The following ST3GAL3 variants were observed in gnomAD, a reference collection of about 807,000 sequenced individuals.
ST3GAL3 encodes the protein CMP-N-acetylneuraminate-beta-1,4-galactoside alpha-2,3-sialyltransferase.
In ST3GAL3, 21 loss-of-function variants were observed where a neutral mutation model predicts 50.1. The observed-to-expected ratio is 0.42, with a 90% CI of 0.30 to 0.60. The LOEUF (loss-of-function observed/expected upper bound fraction) is 0.60. Ranked by LOEUF, ST3GAL3 falls within the 20% of genes least tolerant of loss-of-function variation. ST3GAL3 has a pLI of 0.19. For missense variants in ST3GAL3, 353 were observed against 489.4 expected (o/e 0.72, Z 2.63); for synonymous variants, 183 against 190.0 (o/e 0.96, Z 0.30).
chr1:43,890,285 G>T (rs1288897743), intron 5 of ST3GAL3, among the ~76,000 whole-genome samples: 1 of 152,150 alleles, frequency 6.6e-6, no homozygotes, highest in Non-Finnish European at 1.5e-5. Flanking sequence ...CAAAGAAAGT[G>T]GATGGGGTAT....
intron 5 of ST3GAL3, among the ~76,000 whole-genome samples, chr1:43,878,124 G>A (rs538083832): frequency 8.4e-4 from 128 of 152,184 alleles, no homozygotes; most frequent in African/African-American, 2.9e-3. Flanking sequence ...TGCCTCTGGC[G>A]ACTGCTAGCA....
intron 4 of ST3GAL3, among the ~76,000 whole-genome samples, chr1:43,820,761 A>G (rs1325135393): frequency 6.6e-6 from 1 of 152,206 alleles, no homozygotes; most frequent in Non-Finnish European, 1.5e-5. Context: ...TTTTACTACA[A>G]GATCTGTTGT....
At chr1:43,755,185 C>A (rs1687595626) in intron 2 of ST3GAL3, among the ~76,000 whole-genome samples, 1 of 152,058 alleles carries the variant, frequency 6.6e-6, no homozygotes, top group Admixed American at 6.6e-5. Context: ...AGAACAACCC[C>A]AGTAGAAAAC....
intron 5 of ST3GAL3, chr1:43,842,538 G>GGCTCACACCTGTAATCCCA (rs1558538818): frequency 6.6e-6 from 1 of 152,246 alleles, no homozygotes; most frequent in Non-Finnish European, 1.5e-5. Flanking sequence ...CGGGCATGGT[G>GGCTCACACCTGTAATCCCA]GCTCACACCT....
chr1:43,888,711 C>G (rs1486928620), intron 5 of ST3GAL3, among the ~76,000 whole-genome samples: 1 of 152,138 alleles, frequency 6.6e-6, no homozygotes, highest in African/African-American at 2.4e-5. Context: ...ATTAAGATGA[C>G]AGTGAAATAC....
intron 11 of ST3GAL3, among the ~76,000 whole-genome samples, chr1:43,923,474 C>T (rs1335886099): frequency 6.6e-6 from 1 of 152,120 alleles, no homozygotes; most frequent in Non-Finnish European, 1.5e-5. Context: ...ATTCATATCC[C>T]ACAGTCCTGG....
At chr1:43,748,929 A>G (rs1421938205) in intron 2 of ST3GAL3, among the ~76,000 whole-genome samples, 1 of 152,228 alleles carries the variant, frequency 6.6e-6, no homozygotes, top group Non-Finnish European at 1.5e-5. Flanking sequence ...CAAAGAATCT[A>G]GACTTTGGAA....
At chr1:43,846,708 A>G (rs950554963) in intron 5 of ST3GAL3, among the ~76,000 whole-genome samples, 3 of 152,212 alleles carry the variant, frequency 2.0e-5, no homozygotes, top group African/African-American at 7.2e-5. Flanking sequence ...CATGTTGCCT[A>G]GGCTGGTCTC....
chr1:43,762,069 C>G (rs58775575), intron 2 of ST3GAL3, among the ~76,000 whole-genome samples: 1,919 of 150,800 alleles, frequency 0.013, 43 homozygotes, highest in African/African-American at 0.045. Context: ...AGTTTGAGAC[C>G]AGACTGGGGA....
intron 1 of ST3GAL3, among the ~76,000 whole-genome samples, chr1:43,710,260 T>G (rs1663999820): frequency 6.6e-6 from 1 of 152,152 alleles, no homozygotes; most frequent in African/African-American, 2.4e-5. Flanking sequence ...TTTTGTATTT[T>G]TAATAGAGAC....
At chr1:43,724,302 C>T (rs529797385) in intron 1 of ST3GAL3, among the ~76,000 whole-genome samples, 25 of 152,042 alleles carry the variant, frequency 1.6e-4, no homozygotes, top group Admixed American at 2.6e-4. Context: ...CGTCTGCCTC[C>T]CATGCTCAAG....
At chr1:43,836,106 A>G (rs762936051) in intron 4 of ST3GAL3, among the ~76,000 whole-genome samples, 17 of 152,172 alleles carry the variant, frequency 1.1e-4, no homozygotes, top group South Asian at 2.1e-4. Flanking sequence ...AAATTAATTC[A>G]TAGCACCAAC....
intron 9 of ST3GAL3, chr1:43,919,439 C>T (rs958486071): frequency 6.6e-6 from 1 of 152,234 alleles, no homozygotes; most frequent in Non-Finnish European, 1.5e-5. Context: ...TTGGCAGTGC[C>T]GCCAGTCTGC....
rs373528432 is a variant in ST3GAL3 at position 43,930,314 on chromosome 1, G to A, written c.*93G>A. The A allele has an allele frequency of 3.4e-5, 43 of 1,262,884 alleles. No homozygotes were observed. The East Asian group carries it at 3.7e-4, about 11-fold the overall frequency. The allele number at this position is 1,262,884 out of a possible 1,614,324, so 78.2% of individuals were successfully genotyped here. A position where few individuals can be genotyped will look rare whatever the true frequency, so the allele number is the denominator to read the frequency against. On this transcript the variant is annotated 3_prime_UTR_variant, in exon 12 of 12. Transcript: ENST00000347631. ...GGAGTCTTCAGACCCAGAGAAGGAC[G>A]GTGCCAAGGGCCCCAGGGGCAGCAA...
chr1:43,819,044 G>C (rs1389895606), intron 4 of ST3GAL3: 1 of 152,200 alleles, frequency 6.6e-6, no homozygotes, highest in Admixed American at 6.5e-5. Flanking sequence ...AGATGAATGA[G>C]TATGGCTGTA....
At chr1:43,761,979 A>AAG (rs1558185245) in intron 2 of ST3GAL3, among the ~76,000 whole-genome samples, 2 of 131,728 alleles carry the variant, frequency 1.5e-5, no homozygotes, top group African/African-American at 2.8e-5. Flanking sequence ...AAAAAAAAAA[A>AAG]TTCAGGCTGG....
rs572496245 is a variant in ST3GAL3 at position 43,835,864 on chromosome 1, C to T, written c.210-2355C>T. ...ACAGGACATGAAGAGACTCAAAATG[C>T]CTTACTGCCGCAGACCAAAGCTGTG... On this transcript the variant is annotated intron_variant, in intron 4 of 11. Coordinates refer to ENST00000347631, the MANE Select transcript of ST3GAL3 (RefSeq NM_006279.5). Among the ~76,000 whole-genome samples, 6 of 152,256 alleles carry T rather than the reference C, an allele frequency of 3.9e-5. No individual in the cohort carries two copies. In the East Asian group the frequency reaches 1.2e-3, roughly 29 times the overall value.
At chr1:43,879,084 A>G (rs538474645) in intron 5 of ST3GAL3, 5 of 455,972 alleles carry the variant, frequency 1.1e-5, no homozygotes, top group Non-Finnish European at 2.2e-5. Context: ...CCCACTTTAG[A>G]CAGAAGAGTC....
chr1:43,787,834 G>A (rs574532219), intron 2 of ST3GAL3, among the ~76,000 whole-genome samples: 6 of 152,308 alleles, frequency 3.9e-5, no homozygotes, highest in Non-Finnish European at 7.4e-5. Context: ...GAGAAGGAGG[G>A]AGAAGTAAAG....
Sources: allele counts gnomAD v4.1 joint callset (sites outside exome capture counted in the v4.1 genomes callset), GRCh38; gene constraint gnomAD v4.1.1; transcripts MANE v1.5; gene names NCBI Gene and HGNC (gene_info 2026-07-23, HGNC 2026-07-21).